Variants in PDE1C observed in about 807,000 individuals in gnomAD.
PDE1C encodes the protein phosphodiesterase 1C, also known as dual specificity calcium/calmodulin-dependent 3',5'-cyclic nucleotide phosphodiesterase 1C.
A neutral mutation model predicts 93.1 loss-of-function variants in PDE1C; 62 were observed. That is an observed-to-expected ratio of 0.67 (90% CI 0.54 to 0.82). The LOEUF (loss-of-function observed/expected upper bound fraction) is 0.82. Among genes scored for constraint, PDE1C ranks in the 40% least tolerant of loss-of-function variants. The pLI, the probability that PDE1C is intolerant of heterozygous loss-of-function variation, is 0.00. For missense variants in PDE1C, 742 were observed against 884.6 expected (o/e 0.84, Z 2.04); for synonymous variants, 325 against 310.1 (o/e 1.05, Z -0.50).
intron 2 of PDE1C, among the ~76,000 whole-genome samples, chr7:32,204,958 CAGA>C (rs1408578222): frequency 6.6e-6 from 1 of 152,026 alleles, no homozygotes; most frequent in Non-Finnish European, 1.5e-5. Flanking sequence ...CCATGGCTCA[CAGA>C]AGAACAGAAA....
chr7:32,247,289 C>CT (rs1809035555), intron 1 of PDE1C, among the ~76,000 whole-genome samples: 1 of 121,980 alleles, frequency 8.2e-6, no homozygotes, highest in Non-Finnish European at 1.8e-5. Context: ...GGCTTCTTGG[C>CT]CAAACTCAAA....
At chr7:32,228,638 C>A (rs1028915362) in intron 1 of PDE1C, among the ~76,000 whole-genome samples, 9 of 152,156 alleles carry the variant, frequency 5.9e-5, no homozygotes, top group Non-Finnish European at 1.0e-4. Flanking sequence ...AACTTCCAAT[C>A]CCCAGTCACT....
intron 3 of PDE1C, chr7:32,078,136 G>T: frequency 1.8e-6 from 1 of 568,736 alleles, no homozygotes; most frequent in Non-Finnish European, 2.2e-6. Context: ...AAATCAGCGG[G>T]TTGTTCTTCC....
chr7:31,884,661 C>T (rs1225879659), intron 2 of PDE1C, among the ~76,000 whole-genome samples: 1 of 152,140 alleles, frequency 6.6e-6, no homozygotes, highest in Non-Finnish European at 1.5e-5. Context: ...CTCCATAGGC[C>T]CCTCAGCCCA....
At chr7:31,830,282 G>T in intron 11 of PDE1C, among the ~76,000 whole-genome samples, 1 of 151,604 alleles carries the variant, frequency 6.6e-6, no homozygotes, top group South Asian at 2.1e-4. Context: ...AATACTGTAT[G>T]ACTCTACAGC....
intron 2 of PDE1C, among the ~76,000 whole-genome samples, chr7:31,907,378 A>C (rs993318595): frequency 1.8e-4 from 27 of 152,142 alleles, no homozygotes; most frequent in African/African-American, 6.3e-4. Context: ...GATTTTTAAT[A>C]AATTAGAACC....
the PDE1C span, among the ~76,000 whole-genome samples, chr7:31,691,477 A>G: frequency 0.021 from 3,251 of 152,270 alleles, 132 homozygotes; most frequent in African/African-American, 0.074. Context: ...AAGATACAGA[A>G]TCTAGCCAGG....
rs535976139 is a variant in PDE1C at position 31,978,933 on chromosome 7, TCA to T, written c.128+72619_128+72620del. 5.7e-4 allele frequency among the ~76,000 whole-genome samples: 87 copies of T among 152,318 alleles called. 3 individuals carry two copies. The Middle Eastern group carries it at 0.037, about 66-fold the overall frequency. Reference sequence around the variant, plus strand: ...GGTATATTTCCTCATCATAAAAATCTCATTCTCAAAATTCCTCTTGAAATATA... The same window carrying T: ...GGTATATTTCCTCATCATAAAAATCTTTCTCAAAATTCCTCTTGAAATATA... On this transcript the variant is annotated intron_variant, in intron 2 of 17. Transcript: ENST00000396191.
chr7:32,297,115 G>C (rs1306484045), intron 1 of PDE1C, among the ~76,000 whole-genome samples: 3 of 152,142 alleles, frequency 2.0e-5, no homozygotes, highest in African/African-American at 7.2e-5. Flanking sequence ...TGGCTTTCCT[G>C]CCTGCAGGAA....
At chr7:32,010,593 T>A (rs1786941342) in intron 2 of PDE1C, among the ~76,000 whole-genome samples, 1 of 152,200 alleles carries the variant, frequency 6.6e-6, no homozygotes, top group African/African-American at 2.4e-5. Context: ...TAGTGTGCAA[T>A]GTCTGCCATA....
intron 2 of PDE1C, among the ~76,000 whole-genome samples, chr7:31,921,713 C>T (rs1802644717): frequency 6.6e-6 from 1 of 152,094 alleles, no homozygotes; most frequent in African/African-American, 2.4e-5. Flanking sequence ...CCAGCTCATG[C>T]TTTTATCAAG....
chr7:32,184,794 A>C (rs2128815451), intron 2 of PDE1C, among the ~76,000 whole-genome samples: 1 of 152,266 alleles, frequency 6.6e-6, no homozygotes, highest in East Asian at 1.9e-4. Context: ...TTAAAGTATA[A>C]TAAAAAATAA....
intron 3 of PDE1C, among the ~76,000 whole-genome samples, chr7:32,081,700 G>A (rs992067953): frequency 3.3e-5 from 5 of 152,216 alleles, no homozygotes; most frequent in African/African-American, 1.2e-4. Flanking sequence ...TTGGTTAAGA[G>A]AGGAAATTTT....
intron 3 of PDE1C, among the ~76,000 whole-genome samples, chr7:32,140,477 A>C (rs755301125): frequency 1.3e-5 from 2 of 152,236 alleles, no homozygotes; most frequent in Non-Finnish European, 2.9e-5. Flanking sequence ...TGATCTGCCT[A>C]GATGATCTCA....
the PDE1C span, among the ~76,000 whole-genome samples, chr7:31,682,726 G>T: frequency 6.6e-6 from 1 of 152,146 alleles, no homozygotes. Flanking sequence ...CAGCTCAGAT[G>T]TCTTTCAGCA....
intron 17 of PDE1C, among the ~76,000 whole-genome samples, chr7:31,754,787 A>G (rs1225371599): frequency 6.6e-6 from 1 of 152,242 alleles, no homozygotes; most frequent in African/African-American, 2.4e-5. Context: ...TAGGGCAGTG[A>G]AACTCTCGCA....
intron 1 of PDE1C, among the ~76,000 whole-genome samples, chr7:32,314,761 A>G (rs913016560): frequency 1.3e-5 from 2 of 152,098 alleles, no homozygotes; most frequent in African/African-American, 4.8e-5. Context: ...CTGAAACCAG[A>G]AAGAATAGAC....
At chr7:31,981,849 T>A (rs1392466227) in intron 2 of PDE1C, among the ~76,000 whole-genome samples, 1 of 152,218 alleles carries the variant, frequency 6.6e-6, no homozygotes. Flanking sequence ...AAGTTAAATA[T>A]GAGAAAGAAA....
chr7:32,282,169 AAAG>A (rs1195179216), intron 1 of PDE1C, among the ~76,000 whole-genome samples: 3 of 151,754 alleles, frequency 2.0e-5, no homozygotes, highest in African/African-American at 4.8e-5. Flanking sequence ...AAAAAAAAAA[AAAG>A]AAAGAAAGAA....
Sources: allele counts gnomAD v4.1 joint callset (sites outside exome capture counted in the v4.1 genomes callset), GRCh38; gene constraint gnomAD v4.1.1; transcripts MANE v1.5; gene names NCBI Gene and HGNC (gene_info 2026-07-23, HGNC 2026-07-21).